CCNY: variants seen among roughly 807,000 people sequenced by gnomAD.
CCNY encodes the protein cyclin-Y.
In CCNY, 19 loss-of-function variants were observed where a neutral mutation model predicts 42.8. The observed-to-expected ratio is 0.44, with a 90% confidence interval of 0.31 to 0.65. The LOEUF is 0.65. CCNY is among the 30% of genes least tolerant of loss of function. The pLI, the probability that CCNY is intolerant of heterozygous loss-of-function variation, is 0.07. For missense variants in CCNY, 370 were observed against 437.3 expected (o/e 0.85, Z 1.37); for synonymous variants, 165 against 162.7 (o/e 1.01, Z -0.11).
intron 5 of CCNY, 91 bp downstream of exon 5, chr10:35,526,090 A>G: frequency 8.9e-7 from 1 of 1,120,766 alleles, no homozygotes; most frequent in South Asian, 1.4e-5. Context: ...TAAACCTTTG[A>G]ATTATACTTT....
At chr10:35,496,092 A>C (rs1160906701) in intron 2 of CCNY, among the ~76,000 whole-genome samples, 1 of 152,242 alleles carries the variant, frequency 6.6e-6, no homozygotes, top group Non-Finnish European at 1.5e-5. Context: ...TCTGCATTGG[A>C]GCTATCTCAG....
intron 1 of CCNY, among the ~76,000 whole-genome samples, chr10:35,424,218 TTTTTCTTTTC>T (rs370155417): frequency 2.0e-5 from 3 of 152,116 alleles, no homozygotes; most frequent in Non-Finnish European, 2.9e-5. Context: ...CTCAAATGTT[TTTTTCTTTTC>T]TTTTCTTTTC....
chr10:35,410,417 C>T (rs967876386), intron 1 of CCNY, among the ~76,000 whole-genome samples: 4 of 151,934 alleles, frequency 2.6e-5, no homozygotes, highest in African/African-American at 9.7e-5. Context: ...TTATGATGAA[C>T]CAGACGCTAA....
At chr10:35,373,348 CT>C (rs919964376) in intron 1 of CCNY, among the ~76,000 whole-genome samples, 5 of 152,202 alleles carry the variant, frequency 3.3e-5, no homozygotes, top group Non-Finnish European at 7.3e-5. Context: ...CATGCTGCAG[CT>C]GTCAGCAATG....
At chr10:35,338,089 G>A (rs1836090609) in intron 1 of CCNY, among the ~76,000 whole-genome samples, 1 of 152,170 alleles carries the variant, frequency 6.6e-6, no homozygotes, top group South Asian at 2.1e-4. Flanking sequence ...ATTTGAAATT[G>A]GAAGTATCTT....
At chr10:35,534,954 T>TACACACACAC (rs58564724) in intron 7 of CCNY, among the ~76,000 whole-genome samples, 2 of 139,532 alleles carry the variant, frequency 1.4e-5, no homozygotes, top group African/African-American at 5.4e-5. Flanking sequence ...TGGGGATACA[T>TACACACACAC]ACACACACAC....
chr10:35,545,191 C>T (rs759048211), intron 7 of CCNY, among the ~76,000 whole-genome samples: 21 of 152,298 alleles, frequency 1.4e-4, no homozygotes, highest in Non-Finnish European at 2.6e-4. Context: ...CAAACGAAAC[C>T]TGTCTGTGAG....
intron 2 of CCNY, among the ~76,000 whole-genome samples, chr10:35,493,305 T>TG (rs910356626): frequency 3.3e-4 from 51 of 152,264 alleles, no homozygotes; most frequent in African/African-American, 1.2e-3. Flanking sequence ...TCCCCCAGGC[T>TG]GGGGGGAGTT....
chr10:35,538,487 C>CTA (rs1266618792), intron 7 of CCNY, among the ~76,000 whole-genome samples: 5 of 152,272 alleles, frequency 3.3e-5, no homozygotes, highest in African/African-American at 1.2e-4. Context: ...TTGTTAGTGT[C>CTA]TGTCTTTTTC....
At chr10:35,417,285 G>A (rs1030493313) in intron 1 of CCNY, among the ~76,000 whole-genome samples, 2 of 152,208 alleles carry the variant, frequency 1.3e-5, no homozygotes, top group African/African-American at 4.8e-5. Context: ...TGCCTTTCAG[G>A]GAGTAAGAGG....
chr10:35,384,678 A>G (rs1837265869), intron 1 of CCNY, among the ~76,000 whole-genome samples: 1 of 152,008 alleles, frequency 6.6e-6, no homozygotes, highest in South Asian at 2.1e-4. Flanking sequence ...ATCTGGGTCT[A>G]TACACTCATG....
At chr10:35,399,910 T>G (rs1589091899) in intron 1 of CCNY, among the ~76,000 whole-genome samples, 1 of 152,122 alleles carries the variant, frequency 6.6e-6, no homozygotes, top group Non-Finnish European at 1.5e-5. Flanking sequence ...ACCTCCAAAC[T>G]GGTGTTTTTG....
At chr10:35,560,978 C>T (rs796947805) in intron 8 of CCNY, among the ~76,000 whole-genome samples, 29 of 152,264 alleles carry the variant, frequency 1.9e-4, no homozygotes, top group African/African-American at 6.7e-4. Context: ...TGAGCAGAGG[C>T]ACTGCCGGTG....
At chr10:35,326,477 A>C (rs540166180) in intron 3 of CCNY, among the ~76,000 whole-genome samples, 1 of 152,374 alleles carries the variant, frequency 6.6e-6, no homozygotes, top group South Asian at 2.1e-4. Flanking sequence ...AGTAAGTTAA[A>C]TAAAATAGAA....
intron 1 of CCNY, among the ~76,000 whole-genome samples, chr10:35,419,801 A>T (rs1256684873): frequency 2.0e-5 from 3 of 151,940 alleles, no homozygotes; most frequent in Non-Finnish European, 2.9e-5. Context: ...ATAATACTTT[A>T]GGTTTTGATA....
intron 1 of CCNY, among the ~76,000 whole-genome samples, chr10:35,357,562 T>A (rs1056856053): frequency 2.0e-5 from 3 of 152,194 alleles, no homozygotes; most frequent in African/African-American, 7.2e-5. Flanking sequence ...AGATTCAGAT[T>A]ATGTATTTTT....
intron 3 of CCNY, among the ~76,000 whole-genome samples, chr10:35,512,117 G>A (rs1840336700): frequency 6.6e-6 from 1 of 152,196 alleles, no homozygotes; most frequent in East Asian, 1.9e-4. Flanking sequence ...AGAATCGATA[G>A]CACTTGATAC....
intron 3 of CCNY, among the ~76,000 whole-genome samples, chr10:35,296,623 A>G (rs1302914102): frequency 2.0e-5 from 3 of 152,064 alleles, no homozygotes; most frequent in Non-Finnish European, 4.4e-5. Flanking sequence ...CCAAATATAC[A>G]CAATTAGAAA....
intron 1 of CCNY, among the ~76,000 whole-genome samples, chr10:35,480,406 C>T (rs1211511144): frequency 2.6e-5 from 4 of 152,000 alleles, no homozygotes; most frequent in South Asian, 2.1e-4. Context: ...TGAGGAGGAG[C>T]GGAGAGGCAC....
Sources: allele counts gnomAD v4.1 joint callset (sites outside exome capture counted in the v4.1 genomes callset), GRCh38; gene constraint gnomAD v4.1.1; transcripts MANE v1.5; gene names NCBI Gene and HGNC (gene_info 2026-07-23, HGNC 2026-07-21).